The following FANCI variants were observed in gnomAD, a reference collection of about 807,000 sequenced individuals.
FANCI encodes the protein FA complementation group I.
FANCI carries 156 observed loss-of-function variants against 176.1 expected under a neutral mutation model. The observed-to-expected ratio is 0.89, with a 90% CI of 0.78 to 1.01. The LOEUF is 1.01. FANCI is among the 50% of genes least tolerant of loss of function. The pLI, the probability that FANCI is intolerant of heterozygous loss-of-function variation, is 0.00. For synonymous variants in FANCI, 613 were observed against 541.7 expected (o/e 1.13, Z -1.83); for missense variants, 1,678 against 1,534.1 (o/e 1.09, Z -1.57).
chr15:89,283,225 GCAGT>G lies in FANCI; in HGVS notation c.1679_1682del (p.Gln560LeufsTer31). The stretch of plus-strand genomic sequence containing the variant: ...TTAGGCAGCCTGTCATCCTCTCAGT[GCAGT>G]CAGTCTCTCAGTGTCAGTCAGGTAA... On this transcript the variant is annotated frameshift_variant, in exon 17 of 38. Coordinates refer to ENST00000310775, the MANE Select transcript of FANCI (RefSeq NM_001113378.2). LOFTEE classifies it high-confidence loss of function. 6.2e-7 allele frequency: 1 copy of G among 1,613,986 alleles called. No homozygotes were observed. Among genetic ancestry groups the G allele is most frequent in the Non-Finnish European group, 8.5e-7 (1 of 1,179,854 alleles).
chr15:89,290,453 C>A, intron 19 of FANCI, 172 bp downstream of exon 19: 1 of 623,068 alleles, frequency 1.6e-6, no homozygotes, highest in Non-Finnish European at 2.9e-6. Context: ...TCGGTCACCA[C>A]TTACCTGTCT....
At chr15:89,271,555 A>G (rs1273284483) in intron 10 of FANCI, among the ~76,000 whole-genome samples, 2 of 152,060 alleles carry the variant, frequency 1.3e-5, no homozygotes, top group African/African-American at 2.4e-5. Context: ...GTGGAGTGCA[A>G]TATCATGATC....
chr15:89,247,542 G>A, intron 1 of FANCI, 87 bp from the exon 2 acceptor site: 1 of 926,590 alleles, frequency 1.1e-6, no homozygotes, highest in Non-Finnish European at 1.8e-6. Flanking sequence ...TAATAGGTAT[G>A]AAATATTCAG....
rs2055295338 is a variant in FANCI at position 89,317,098 on chromosome 15, A to ATTCT, written c.*640_*641insTCTT. On this transcript the variant is annotated 3_prime_UTR_variant, in exon 38 of 38. Transcript: ENST00000310775. ...TTTCTGTCACCTATAGAGTGCAAGAATGCACTCTATAGAATAAATTATCTT... is the reference window on the plus strand; with the variant it reads ...TTTCTGTCACCTATAGAGTGCAAGAATTCTTGCACTCTATAGAATAAATTATCTT... 5 of 591,756 alleles carry ATTCT rather than the reference A, an allele frequency of 8.4e-6. No individual in the cohort carries two copies. The highest frequency in any genetic ancestry group is 2.9e-5 in the East Asian group (1 of 35,040). 36.7% of individuals were successfully genotyped at this position (591,756 alleles called of 1,614,324 possible).
intron 14 of FANCI, among the ~76,000 whole-genome samples, chr15:89,279,132 A>G (rs973027813): frequency 6.8e-6 from 1 of 147,498 alleles, no homozygotes; most frequent in African/African-American, 2.6e-5. Flanking sequence ...TAACCTCTGA[A>G]TTTGCTGTTT....
chr15:89,316,443 A>G lies in FANCI; in HGVS notation c.3971A>G (p.Lys1324Arg), dbSNP rs1402252175. The change falls in exon 38 of 38, where the codon AAG (lysine) becomes AGG (arginine). Residue 1324 changes from lysine (K) to arginine (R), a missense_variant. By Grantham distance (26) the Lys-to-Arg change is conservative. Coordinates refer to ENST00000310775, the MANE Select transcript of FANCI (RefSeq NM_001113378.2). Reference sequence around the variant, plus strand: ...GGACAGAACAAAGAACCAGCCAAGAAGAAAAGGAAAAAATAAATGAAATGC... The same window carrying G: ...GGACAGAACAAAGAACCAGCCAAGAGGAAAAGGAAAAAATAAATGAAATGC... The part of the protein sequence containing the change: ...HGGQNKEPAK[K>R]KRKK 71 of 1,611,342 alleles carry G rather than the reference A, an allele frequency of 4.4e-5. No homozygotes were observed. The highest frequency in any genetic ancestry group is 5.9e-5 in the Non-Finnish European group (69 of 1,178,296).
chr15:89,295,730 G>GC (rs2054235820), intron 24 of FANCI, among the ~76,000 whole-genome samples: 8 of 123,184 alleles, frequency 6.5e-5, no homozygotes, highest in Admixed American at 1.5e-4. Context: ...CCTTCCCCTG[G>GC]CGCCCCCCCC....
intron 18 of FANCI, among the ~76,000 whole-genome samples, chr15:89,288,309 T>C (rs1450514128): frequency 6.6e-6 from 1 of 152,180 alleles, no homozygotes; most frequent in Non-Finnish European, 1.5e-5. Context: ...TTAACTCTTG[T>C]GCAGTCCTTG....
chr15:89,251,287 T>C (rs1209499903), intron 2 of FANCI, among the ~76,000 whole-genome samples: 1 of 152,178 alleles, frequency 6.6e-6, no homozygotes, highest in Non-Finnish European at 1.5e-5. Context: ...AGCAGACCAG[T>C]TTCCATAGAA....
intron 2 of FANCI, among the ~76,000 whole-genome samples, chr15:89,254,467 GGA>G (rs1247495250): frequency 7.9e-5 from 12 of 152,038 alleles, no homozygotes; most frequent in Middle Eastern, 3.4e-3. Context: ...GCCAAATCTG[GGA>G]CTATTTGAGC....
chr15:89,315,528 G>C (rs909950282), intron 37 of FANCI, 139 bp downstream of exon 37: 5 of 699,544 alleles, frequency 7.1e-6, no homozygotes, highest in Non-Finnish European at 1.0e-5. Flanking sequence ...GAGAGCAAAG[G>C]ACTCTCAGAA....
chr15:89,274,365 G>A, intron 12 of FANCI, 61 bp downstream of exon 12: 1 of 1,581,834 alleles, frequency 6.3e-7, no homozygotes, highest in South Asian at 1.1e-5. Flanking sequence ...AAAATGCAAT[G>A]TGATATCATA....
intron 2 of FANCI, among the ~76,000 whole-genome samples, chr15:89,252,907 T>A (rs566877968): frequency 7.2e-5 from 11 of 152,180 alleles, no homozygotes; most frequent in Admixed American, 2.0e-4. Flanking sequence ...ATTTATCAAT[T>A]TAATACCAGT....
chr15:89,290,193 T>C lies in FANCI; in HGVS notation c.1822-20T>C. 6.2e-7 allele frequency: 1 copy of C among 1,602,318 alleles called. No individual in the cohort carries two copies. Among genetic ancestry groups the C allele is most frequent in the Non-Finnish European group, 8.6e-7 (1 of 1,169,236 alleles). On this transcript the variant is annotated intron_variant, in intron 18 of 37. Coordinates refer to ENST00000310775, the MANE Select transcript of FANCI (RefSeq NM_001113378.2). ...GTATCTCTGTTAAAGTGCTTATTTC[T>C]TCTCTTTGATTCCTCTTAGGGGTTT...
chr15:89,272,830 C>T (rs1364988457), intron 10 of FANCI, among the ~76,000 whole-genome samples: 2 of 151,978 alleles, frequency 1.3e-5, no homozygotes, highest in Non-Finnish European at 2.9e-5. Context: ...CCACCACTCC[C>T]AGCTAATTTT....
chr15:89,307,403 C>T, intron 32 of FANCI, 73 bp from the exon 33 acceptor site: 1 of 1,420,888 alleles, frequency 7.0e-7, no homozygotes, highest in Non-Finnish European at 9.8e-7. Flanking sequence ...AGTCACACTC[C>T]ATAGGCTCAC....
At chr15:89,310,058 A>G (rs2054894579) in intron 34 of FANCI, among the ~76,000 whole-genome samples, 1 of 152,256 alleles carries the variant, frequency 6.6e-6, no homozygotes, top group Admixed American at 6.5e-5. Flanking sequence ...AAGGTTAATC[A>G]GAATGCCCAA....
chr15:89,313,782 A>G (rs563473997), intron 35 of FANCI, among the ~76,000 whole-genome samples: 1 of 149,802 alleles, frequency 6.7e-6, no homozygotes, highest in African/African-American at 2.4e-5. Context: ...TAAATAGGTT[A>G]TAATATATTT....
chr15:89,293,314 C>G lies in FANCI; in HGVS notation c.2291+251C>G, dbSNP rs114492566. 5.3e-3 allele frequency among the ~76,000 whole-genome samples: 805 copies of G among 152,252 alleles called. 5 individuals carry two copies. The highest frequency in any genetic ancestry group is 0.019 in the African/African-American group (770 of 41,530). On this transcript the variant is annotated intron_variant, in intron 22 of 37. Coordinates refer to ENST00000310775, the MANE Select transcript of FANCI (RefSeq NM_001113378.2). ...CTCAGAATTTCCCAGACCCTGAATT[C>G]AAGAACTCCTAATTTTAACATGGAA...
Sources: gnomAD v4.1 joint callset for allele counts (sites outside exome capture counted in the v4.1 genomes callset) on GRCh38, gnomAD v4.1.1 for gene constraint, MANE v1.5 for transcripts, NCBI Gene and HGNC (gene_info 2026-07-23, HGNC 2026-07-21) for gene names.